NOMO1: variants seen among roughly 807,000 people sequenced by gnomAD.
NOMO1 encodes the protein NODAL modulator 1, also known as nodal modulator 3.
In NOMO1, 40 loss-of-function variants were observed where a neutral mutation model predicts 133.8. That is an observed-to-expected ratio of 0.30 (90% CI 0.23 to 0.39). NOMO1 has a LOEUF of 0.39. Among genes scored for constraint, NOMO1 ranks in the 10% least tolerant of loss-of-function variants. The probability of loss-of-function intolerance (pLI) is 1.00; values close to 1 mark genes in which losing one functional copy is unlikely to be tolerated. For missense variants in NOMO1, 462 were observed against 1,419.9 expected (o/e 0.33, Z 10.84); for synonymous variants, 236 against 570.5 (o/e 0.41, Z 8.36).
In NOMO1 at chr16:14,843,715, T is replaced by TTGTGTG. The variant is rs59391735; in HGVS notation, c.302-936_302-931dup. Among the ~76,000 whole-genome samples, 115 of 125,990 alleles carry TTGTGTG rather than the reference T, an allele frequency of 9.1e-4. 2 individuals are homozygous for TTGTGTG. The highest frequency in any genetic ancestry group is 5.6e-3 in the South Asian group (19 of 3,408). 82.7% of individuals were successfully genotyped at this position (125,990 alleles called of 152,430 possible). The stretch of plus-strand genomic sequence containing the variant: ...TTTTGCCCATTTTTTATTGGAGTCT[T>TTGTGTG]TGTGTGTGTGTGTGTGTGTGTGTGT... On this transcript the variant is annotated intron_variant, in intron 3 of 30. Coordinates refer to ENST00000287667, the MANE Select transcript of NOMO1 (RefSeq NM_014287.4).
At chr16:14,837,540 C>T (rs1255636415) in intron 1 of NOMO1, among the ~76,000 whole-genome samples, 2 of 151,544 alleles carry the variant, frequency 1.3e-5, no homozygotes, top group Non-Finnish European at 2.9e-5. Flanking sequence ...TTTAGAGAGT[C>T]CTTGAAGAGA....
intron 23 of NOMO1, 63 bp from the exon 24 acceptor site, chr16:14,879,952 G>A (rs1199984492): frequency 3.7e-6 from 6 of 1,609,212 alleles, no homozygotes; most frequent in Admixed American, 1.7e-5. Context: ...CGTGACATTC[G>A]CCCCTCACTT....
chr16:14,881,036 C>A (rs1467442793), intron 24 of NOMO1, among the ~76,000 whole-genome samples: 1 of 151,412 alleles, frequency 6.6e-6, no homozygotes, highest in Non-Finnish European at 1.5e-5. Context: ...AATAAAAATA[C>A]AAAATAAAAA....
At chr16:14,856,584 G>C (rs1319737766) in intron 9 of NOMO1, among the ~76,000 whole-genome samples, 1 of 151,864 alleles carries the variant, frequency 6.6e-6, no homozygotes, top group Non-Finnish European at 1.5e-5. Flanking sequence ...GCTAATTTTT[G>C]TATTTTTAGT....
intron 28 of NOMO1, among the ~76,000 whole-genome samples, chr16:14,887,164 C>T (rs1348028429): frequency 1.5e-4 from 23 of 152,112 alleles, no homozygotes; most frequent in African/African-American, 3.4e-4. Flanking sequence ...GGCACGTGTG[C>T]GCATGCATGT....
chr16:14,886,941 T>G, intron 28 of NOMO1, 79 bp downstream of exon 28: 1 of 1,460,734 alleles, frequency 6.8e-7, no homozygotes, highest in Non-Finnish European at 9.5e-7. Context: ...CACAGTTCTC[T>G]CCTTTTCTCC....
rs1249580826 is a variant in NOMO1, at chr16:14,857,623, C to T, written c.1188C>T (p.Asn396=). 1.2e-6 allele frequency: 2 copies of T among 1,613,514 alleles called. No homozygotes were observed. The highest frequency in any genetic ancestry group is 2.7e-5 in the African/African-American group (2 of 74,760). Residue 396 remains asparagine (N), a synonymous_variant, in exon 11 of 31, where the codon AAC becomes AAT. Coordinates refer to ENST00000287667, the MANE Select transcript of NOMO1 (RefSeq NM_014287.4). The stretch of plus-strand genomic sequence containing the variant: ...CGGTCACCATCAAAATTGCACCGAA[C>T]ACACCTCAGCTGGCTGACATTATTG... ...FETVTIKIAP[N]TPQLADIIAT... is the part of the protein sequence containing the mutation.
At chr16:14,868,109 C>T (rs1964031005) in intron 15 of NOMO1, among the ~76,000 whole-genome samples, 1 of 87,544 alleles carries the variant, frequency 1.1e-5, no homozygotes, top group South Asian at 4.6e-4. Flanking sequence ...CAGGTGCAGC[C>T]CTATTGTTCA....
intron 3 of NOMO1, among the ~76,000 whole-genome samples, chr16:14,842,960 G>A (rs955268203): frequency 3.4e-5 from 5 of 145,516 alleles, no homozygotes; most frequent in South Asian, 2.2e-4. Flanking sequence ...ACTGAGTCTC[G>A]CTCTGTTGCC....
In NOMO1 at chr16:14,857,253, A is replaced by C; in HGVS notation, c.1000A>C (p.Arg334=). ...FHVMGFSVTG[R]VLNGPEGDGV... ...CGTCATGGGATTCTCCGTCACCGGG[A>C]GGGTCTTGAACGGACCCGAAGGAGA... The change falls in exon 10 of 31, where the codon AGG becomes CGG. Residue 334 remains arginine (R), a synonymous_variant. Transcript: ENST00000287667. The C allele has an allele frequency of 6.2e-7, 1 of 1,602,530 alleles. No individual in the cohort carries two copies. The highest frequency in any genetic ancestry group is 8.5e-7 in the Non-Finnish European group (1 of 1,171,166).
Position 14,864,570 on chromosome 16 carries a change from T to A in NOMO1, c.1396-15T>A. Reference sequence around the variant, plus strand: ...CCCGAATGCAGCCTCTAACGTTCCATCCACGTTTCCACAGGTGATGGTTCC... The same window carrying A: ...CCCGAATGCAGCCTCTAACGTTCCAACCACGTTTCCACAGGTGATGGTTCC... On this transcript the variant is annotated splice_polypyrimidine_tract_variant and intron_variant, in intron 12 of 30. Coordinates refer to ENST00000287667, the MANE Select transcript of NOMO1 (RefSeq NM_014287.4). 6.2e-7 allele frequency: 1 copy of A among 1,613,014 alleles called. No individual in the cohort carries two copies. The highest frequency in any genetic ancestry group is 8.5e-7 in the Non-Finnish European group (1 of 1,179,414).
chr16:14,868,219 TTGAGA>T (rs1964032542), intron 15 of NOMO1, among the ~76,000 whole-genome samples: 2 of 137,614 alleles, frequency 1.5e-5, no homozygotes, highest in Non-Finnish European at 3.1e-5. Context: ...TACTGACCAG[TTGAGA>T]TCACTAATTT....
At position 14,894,837 on chromosome 16, in the gene NOMO1, T is replaced by C. The variant is rs549964680; in HGVS notation, c.3445-161T>C. On this transcript the variant is annotated intron_variant, in intron 29 of 30. Coordinates refer to ENST00000287667, the MANE Select transcript of NOMO1 (RefSeq NM_014287.4). ...CATGGGAAAATATATCCAAATCACT[T>C]TGGTTCCTTCCTTTGGATAGAAGGA... 3.3e-4 allele frequency among the ~76,000 whole-genome samples: 50 copies of C among 152,354 alleles called. No individual in the cohort carries two copies. The East Asian group carries it at 8.7e-3, about 26-fold the overall frequency.
At chr16:14,872,930 TCTCCCTCCTGCCC>T (rs2151005116) in intron 18 of NOMO1, among the ~76,000 whole-genome samples, 1 of 146,016 alleles carries the variant, frequency 6.8e-6, no homozygotes, top group South Asian at 2.3e-4. Flanking sequence ...GCAGTCCCTG[TCTCCCTCCTGCCC>T]CTGGTTGAAG....
intron 4 of NOMO1, among the ~76,000 whole-genome samples, chr16:14,846,024 CTTTTTTTTT>C (rs1195109475): frequency 1.6e-5 from 2 of 122,970 alleles, no homozygotes; most frequent in Non-Finnish European, 3.4e-5. Context: ...TGTACATTTA[CTTTTTTTTT>C]TTTTTTTTTT....
At chr16:14,871,779 T>C in intron 17 of NOMO1, 95 bp downstream of exon 17, 4 of 1,313,164 alleles carry the variant, frequency 3.0e-6, no homozygotes, top group Non-Finnish European at 4.2e-6. Context: ...TTTCTGTTTT[T>C]TTTTCTGAAA....
chr16:14,852,525 TG>T lies in NOMO1; in HGVS notation c.682del (p.Glu228SerfsTer3). The T allele has an allele frequency of 6.6e-7, 1 of 1,525,928 alleles. No individual in the cohort carries two copies. The highest frequency in any genetic ancestry group is 8.9e-7 in the Non-Finnish European group (1 of 1,124,108). 94.5% of individuals were successfully genotyped at this position (1,525,928 alleles called of 1,614,324 possible). A position where few individuals can be genotyped will look rare whatever the true frequency, so the allele number is the denominator to read the frequency against. Reference protein sequence around the residue: ...YNVSGSVRSDGEPMKGVKFLL... With the variant: ...YNVSGSVRSDXEPMKGVKFLL... ...ATGTGTCTGGCTCTGTCCGAAGTGA[TG>T]GGGAGCCCATGAAAGGCGTGAAGTT... is the stretch of plus-strand genomic sequence containing the variant. On this transcript the variant is annotated frameshift_variant, in exon 7 of 31. Coordinates refer to ENST00000287667, the MANE Select transcript of NOMO1 (RefSeq NM_014287.4). LOFTEE classifies it high-confidence loss of function.
chr16:14,859,015 C>T (rs1963884078), intron 11 of NOMO1, among the ~76,000 whole-genome samples: 1 of 151,944 alleles, frequency 6.6e-6, no homozygotes, highest in South Asian at 2.1e-4. Flanking sequence ...TGGAGCTCTT[C>T]AATAGGTACT....
intron 11 of NOMO1, among the ~76,000 whole-genome samples, chr16:14,858,750 C>G (rs1370729244): frequency 1.3e-5 from 2 of 152,056 alleles, no homozygotes; most frequent in African/African-American, 2.4e-5. Context: ...ATATAACAAG[C>G]TTTGATCATT....
Sources: gnomAD v4.1 joint callset for allele counts (sites outside exome capture counted in the v4.1 genomes callset) on GRCh38, gnomAD v4.1.1 for gene constraint, MANE v1.5 for transcripts, NCBI Gene and HGNC (gene_info 2026-07-23, HGNC 2026-07-21) for gene names.